The following PTPN1 variants were observed in gnomAD, a reference collection of about 807,000 sequenced individuals.
PTPN1 encodes the protein protein tyrosine phosphatase non-receptor type 1.
PTPN1 carries 12 observed loss-of-function variants against 59.9 expected under a neutral mutation model. The ratio of observed to expected loss-of-function variants is 0.20; its 90% CI spans 0.13 to 0.32. PTPN1 has a LOEUF of 0.32. Among genes scored for constraint, PTPN1 ranks in the 10% least tolerant of loss-of-function variants. PTPN1 has a pLI of 1.00. For synonymous variants in PTPN1, 178 were observed against 203.6 expected, an observed-to-expected ratio of 0.87 and a Z score of 1.07; for missense variants, 356 against 549.2, an observed-to-expected ratio of 0.65 and a Z score of 3.52.
chr20:50,562,419 G>A (rs867335799), intron 2 of PTPN1, among the ~76,000 whole-genome samples: 3 of 151,500 alleles, frequency 2.0e-5, no homozygotes, highest in Non-Finnish European at 2.9e-5. Flanking sequence ...GGTGTAGAAC[G>A]TGTGCCTCTT....
chr20:50,579,377 TTGTCTTTGAAGGAGGC>T (rs1453219306), intron 7 of PTPN1, 48 bp downstream of exon 7: 2 of 1,580,554 alleles, frequency 1.3e-6, no homozygotes, highest in Non-Finnish European at 1.7e-6. Context: ...TTTAACTTTT[TTGTCTTTGAAGGAGGC>T]TGTCAGTTGT....
In PTPN1 at chr20:50,510,426, C is replaced by A. The variant is rs570155941; in HGVS notation, c.-102C>A. 9.1e-6 allele frequency: 12 copies of A among 1,314,030 alleles called. No individual in the cohort carries two copies. The highest frequency in any genetic ancestry group is 1.5e-5 in the African/African-American group (1 of 65,738). The allele number at this position is 1,314,030 out of a possible 1,614,324, so 81.4% of individuals were successfully genotyped here. A position where few individuals can be genotyped will look rare whatever the true frequency, so the allele number is the denominator to read the frequency against. ...CTAGGGCGGCGGTAGCTGCAGGGGT[C>A]GGGGATTGCAGCGGGCCTCGGGGCT... On this transcript the variant is annotated 5_prime_UTR_variant, in exon 1 of 10. Transcript: ENST00000371621.
chr20:50,531,694 T>C (rs376315539), intron 1 of PTPN1, among the ~76,000 whole-genome samples: 36 of 152,314 alleles, frequency 2.4e-4, no homozygotes, highest in African/African-American at 7.9e-4. Context: ...TTATAGAAGC[T>C]GTCGTGGACA....
At chr20:50,538,865 C>T (rs747891380) in intron 1 of PTPN1, among the ~76,000 whole-genome samples, 2 of 152,036 alleles carry the variant, frequency 1.3e-5, no homozygotes, top group Non-Finnish European at 2.9e-5. Flanking sequence ...TAGCTGCTAC[C>T]TATAAAAGCA....
At chr20:50,539,328 G>A (rs569646124) in intron 1 of PTPN1, among the ~76,000 whole-genome samples, 4 of 152,192 alleles carry the variant, frequency 2.6e-5, no homozygotes, top group Non-Finnish European at 5.9e-5. Flanking sequence ...GAGCCACCGC[G>A]CCCAGCCTCT....
chr20:50,562,368 G>A (rs999675133), intron 2 of PTPN1, among the ~76,000 whole-genome samples: 2 of 152,178 alleles, frequency 1.3e-5, no homozygotes, highest in Non-Finnish European at 2.9e-5. Context: ...CTTATGTGGC[G>A]CCCAGATTCC....
chr20:50,531,273 A>C (rs2082599733), intron 1 of PTPN1, among the ~76,000 whole-genome samples: 1 of 152,206 alleles, frequency 6.6e-6, no homozygotes, highest in Non-Finnish European at 1.5e-5. Context: ...GAGTGTTTTT[A>C]AACATAAAAA....
At chr20:50,517,289 G>C (rs1341908436) in intron 1 of PTPN1, among the ~76,000 whole-genome samples, 2 of 152,124 alleles carry the variant, frequency 1.3e-5, no homozygotes, top group Non-Finnish European at 2.9e-5. Context: ...GGGTCTTGCT[G>C]TGTCGTCCAG....
intron 1 of PTPN1, among the ~76,000 whole-genome samples, chr20:50,520,345 TG>T (rs1186919933): frequency 7.0e-6 from 1 of 141,980 alleles, no homozygotes; most frequent in African/African-American, 2.7e-5. Context: ...CACTACAGCC[TG>T]GGGGACAAGA....
intron 4 of PTPN1, among the ~76,000 whole-genome samples, chr20:50,569,535 TTGTC>T (rs2082796360): frequency 6.6e-6 from 1 of 151,718 alleles, no homozygotes; most frequent in Non-Finnish European, 1.5e-5. Flanking sequence ...CCTGTGTAGA[TTGTC>T]TGTGTAGACT....
rs149007949 is a variant in PTPN1 at position 50,535,823 on chromosome 20, G to A, written c.63+25233G>A. On this transcript the variant is annotated intron_variant, in intron 1 of 9. Coordinates refer to ENST00000371621, the MANE Select transcript of PTPN1 (RefSeq NM_002827.4). ...TTCAGTCACCCTGTGGTCTTGTGTC[G>A]TATATACATTTAGCCTTCCTTAATT... Among the ~76,000 whole-genome samples the A allele has an allele frequency of 4.0e-3, 606 of 152,092 alleles. 1 individual carries two copies. The highest frequency in any genetic ancestry group is 0.014 in the African/African-American group (586 of 41,466).
intron 1 of PTPN1, among the ~76,000 whole-genome samples, chr20:50,524,520 T>G (rs1207243414): frequency 1.3e-5 from 2 of 151,140 alleles, no homozygotes; most frequent in Admixed American, 1.3e-4. Flanking sequence ...TGTTGTGAAT[T>G]TTAAGGGATA....
rs1275182656 is a variant in PTPN1 at position 50,561,434 on chromosome 20, G to A, written c.135G>A (p.Arg45=). The A allele has an allele frequency of 3.7e-6, 6 of 1,610,030 alleles. No individual in the cohort carries two copies. The highest frequency in any genetic ancestry group is 1.1e-5 in the South Asian group (1 of 90,910). The part of the protein sequence containing the change: ...AKLPKNKNRN[R]YRDVSPFDHS... Reference sequence around the variant, plus strand: ...TTCCTAAGAACAAAAACCGAAATAGGTACAGAGACGTCAGTCCCTGTAAGT... The same window carrying A: ...TTCCTAAGAACAAAAACCGAAATAGATACAGAGACGTCAGTCCCTGTAAGT... Residue 45 remains arginine (R), a synonymous_variant, in exon 2 of 10, where the codon AGG becomes AGA. Transcript: ENST00000371621.
chr20:50,578,388 T>C (rs773742924), intron 5 of PTPN1, 32 bp from the exon 6 acceptor site: 2 of 1,531,772 alleles, frequency 1.3e-6, no homozygotes, highest in Non-Finnish European at 1.8e-6. Flanking sequence ...GATGATTCTT[T>C]TAGAATCATC....
Position 50,583,136 on chromosome 20 carries a change from A to C in PTPN1, c.*421A>C. 5.4e-6 allele frequency: 1 copy of C among 183,492 alleles called. No homozygotes were observed. The highest frequency in any genetic ancestry group is 1.4e-4 in the East Asian group (1 of 7,084). 11.4% of individuals were successfully genotyped at this position (183,492 alleles called of 1,614,324 possible). On this transcript the variant is annotated 3_prime_UTR_variant, in exon 10 of 10. Transcript: ENST00000371621. Reference sequence around the variant, plus strand: ...ATTTATTTAAACAATTTTTTCCCCAAAGGCATCCATAGTGCACTAGCATTT... The same window carrying C: ...ATTTATTTAAACAATTTTTTCCCCACAGGCATCCATAGTGCACTAGCATTT...
intron 2 of PTPN1, 95 bp downstream of exon 2, chr20:50,561,548 T>C: frequency 2.8e-6 from 2 of 719,172 alleles, no homozygotes; most frequent in South Asian, 2.0e-5. Flanking sequence ...AGTATAATAA[T>C]AAATCAATGT....
chr20:50,554,380 A>ATCTCTCTCTCTCTCTCTCTC lies in PTPN1; in HGVS notation c.64-6974_64-6955dup, dbSNP rs1555829975. ...CCAGCCTAGGCAACAGCAAGACCAC[A>ATCTCTCTCTCTCTCTCTCTC]TCTCTCTCTCTCTCTCTCTCTCTCT... On this transcript the variant is annotated intron_variant, in intron 1 of 9. Coordinates refer to ENST00000371621, the MANE Select transcript of PTPN1 (RefSeq NM_002827.4). Among the ~76,000 whole-genome samples, 184 of 140,268 alleles carry ATCTCTCTCTCTCTCTCTCTC rather than the reference A, an allele frequency of 1.3e-3. 1 individual carries two copies. The highest frequency in any genetic ancestry group is 4.8e-3 in the African/African-American group (178 of 37,246). 92.0% of individuals were successfully genotyped at this position (140,268 alleles called of 152,430 possible). A position where few individuals can be genotyped will look rare whatever the true frequency, so the allele number is the denominator to read the frequency against.
At position 50,578,732 on chromosome 20, in the gene PTPN1, G is replaced by A; in HGVS notation, c.702+103G>A. ...AAGCGCTCCTCTTCCAAAATACAGA[G>A]ACTCACTGTGTTAGTCTGTTTTTGC... On this transcript the variant is annotated intron_variant, in intron 6 of 9. Coordinates refer to ENST00000371621, the MANE Select transcript of PTPN1 (RefSeq NM_002827.4). The A allele has an allele frequency of 6.3e-6, 6 of 945,950 alleles. No individual in the cohort carries two copies. The South Asian group carries it at 8.3e-5, about 13-fold the overall frequency. The allele number at this position is 945,950 out of a possible 1,614,324, so 58.6% of individuals were successfully genotyped here.
In PTPN1 at chr20:50,523,560, T is replaced by A. The variant is rs115859841; in HGVS notation, c.63+12970T>A. Among the ~76,000 whole-genome samples the A allele has an allele frequency of 3.0e-3, 461 of 152,312 alleles. 4 individuals are homozygous for A. The highest frequency in any genetic ancestry group is 8.7e-3 in the African/African-American group (360 of 41,566). ...GTAAGCTCCTTGCAGCCAGTGTCTG[T>A]TGATTCAGTCATTCAAAAAATAATA... On this transcript the variant is annotated intron_variant, in intron 1 of 9. Transcript: ENST00000371621.
Sources: gnomAD v4.1 joint callset for allele counts (sites outside exome capture counted in the v4.1 genomes callset) on GRCh38, gnomAD v4.1.1 for gene constraint, MANE v1.5 for transcripts, NCBI Gene and HGNC (gene_info 2026-07-23, HGNC 2026-07-21) for gene names.